Variants in RPRD1A observed in about 807,000 individuals in gnomAD.
RPRD1A encodes the protein regulation of nuclear pre-mRNA domain-containing protein 1A.
Under a neutral mutation model 37.8 loss-of-function variants are expected in RPRD1A, and 9 were observed. The ratio of observed to expected loss-of-function variants is 0.24; its 90% confidence interval spans 0.14 to 0.42. RPRD1A has a LOEUF of 0.42. Ranked by LOEUF, RPRD1A falls within the 10% of genes least tolerant of loss-of-function variation. The pLI is 1.00. For missense variants in RPRD1A, 255 were observed against 371.0 expected, an observed-to-expected ratio of 0.69 and a Z score of 2.57; for synonymous variants, 138 against 139.7, an observed-to-expected ratio of 0.99 and a Z score of 0.08.
chr18:36,025,583 G>A (rs1911308896), intron 6 of RPRD1A: 1 of 1,235,890 alleles, frequency 8.1e-7, no homozygotes, highest in Admixed American at 2.6e-5. Context: ...TCAAAAACAT[G>A]AGACAATACA....
chr18:36,057,127 G>A (rs1334143571), intron 1 of RPRD1A, among the ~76,000 whole-genome samples: 1 of 150,758 alleles, frequency 6.6e-6, no homozygotes, highest in Non-Finnish European at 1.5e-5. Context: ...CTACTCAGGA[G>A]GATTGATTGA....
intron 1 of RPRD1A, among the ~76,000 whole-genome samples, chr18:36,062,092 T>G (rs932646041): frequency 1.4e-5 from 2 of 145,528 alleles, no homozygotes; most frequent in Non-Finnish European, 1.5e-5. Context: ...CCGAGGCGGG[T>G]GGATCATGAG....
rs746611301 is a variant in RPRD1A, at chr18:36,027,218, T to C, written c.579A>G (p.Glu193=). Residue 193 remains glutamate (E), a synonymous_variant, in exon 5 of 7, where the codon GAA becomes GAG. Coordinates refer to ENST00000399022, the MANE Select transcript of RPRD1A (RefSeq NM_018170.5). The stretch of plus-strand genomic sequence containing the variant: ...TATCTAATAGAGATACTTCTTGGAC[T>C]TCAACAGGTAAAGAAGCTATCCTCT... ...VHQRIASLPV[E]VQEVSLLDKI... 1.6e-5 allele frequency: 26 copies of C among 1,613,742 alleles called. No homozygotes were observed. The East Asian group carries it at 3.1e-4, about 19-fold the overall frequency.
chr18:36,025,611 T>C lies in RPRD1A; in HGVS notation c.789+1289A>G, dbSNP rs961411341. On this transcript the variant is annotated intron_variant, in intron 6 of 6. Coordinates refer to ENST00000399022, the MANE Select transcript of RPRD1A (RefSeq NM_018170.5). ...ACAATACAGGCTTCAGGGTTTGATATTTATTTTTAGCAGGAAGAATATACT... is the reference window on the plus strand; with the variant it reads ...ACAATACAGGCTTCAGGGTTTGATACTTATTTTTAGCAGGAAGAATATACT... 1.3e-5 allele frequency: 17 copies of C among 1,286,388 alleles called. No homozygotes were observed. In the African/African-American group the frequency reaches 1.4e-4, roughly 10 times the overall value. 79.7% of individuals were successfully genotyped at this position (1,286,388 alleles called of 1,614,324 possible).
intron 1 of RPRD1A, among the ~76,000 whole-genome samples, chr18:36,066,757 A>G (rs2089038887): frequency 6.6e-6 from 1 of 152,226 alleles, no homozygotes; most frequent in Non-Finnish European, 1.5e-5. Context: ...TAAAATCTAC[A>G]AATTCAGAGT....
intron 6 of RPRD1A, among the ~76,000 whole-genome samples, chr18:36,015,696 T>C (rs906687368): frequency 1.3e-5 from 2 of 152,214 alleles, no homozygotes; most frequent in Non-Finnish European, 2.9e-5. Flanking sequence ...GAGGGCATTA[T>C]GCTAAAGAAA....
chr18:36,023,626 G>A (rs1299607154), intron 6 of RPRD1A, among the ~76,000 whole-genome samples: 1 of 152,190 alleles, frequency 6.6e-6, no homozygotes, highest in Admixed American at 6.5e-5. Flanking sequence ...ATCCTACAGA[G>A]AAATCTTTCA....
intron 1 of RPRD1A, among the ~76,000 whole-genome samples, chr18:36,049,154 C>T (rs1012260983): frequency 1.3e-5 from 2 of 152,090 alleles, no homozygotes; most frequent in Non-Finnish European, 2.9e-5. Context: ...CACCCACCTC[C>T]CTCGGCCTCC....
At chr18:36,050,880 T>A (rs905495224) in intron 1 of RPRD1A, among the ~76,000 whole-genome samples, 2 of 151,470 alleles carry the variant, frequency 1.3e-5, no homozygotes, top group Admixed American at 6.6e-5. Flanking sequence ...TTTTTTTTTT[T>A]ACTGCTTTTA....
At position 35,993,194 on chromosome 18, in the gene RPRD1A, T is replaced by G. The variant is rs751377732; in HGVS notation, c.896A>C (p.His299Pro). ...LSRLPNVTGS[H>P]MHLPFAGDIY... ...GTCTCCCGCAAAGGGCAGGTGCATG[T>G]GGCTGCCAGTGACATTGGGCAATCG... Residue 299 changes from histidine to proline, a missense_variant, in exon 7 of 7, where the codon CAC becomes CCC. By Grantham distance (77) the His-to-Pro change is moderately conservative. Coordinates refer to ENST00000399022, the MANE Select transcript of RPRD1A (RefSeq NM_018170.5). The G allele has an allele frequency of 3.1e-6, 5 of 1,614,186 alleles. No homozygotes were observed. Among genetic ancestry groups the G allele is most frequent in the Non-Finnish European group, 4.2e-6 (5 of 1,180,008 alleles).
intron 1 of RPRD1A, among the ~76,000 whole-genome samples, chr18:36,044,894 AAT>A (rs1311473303): frequency 6.8e-6 from 1 of 147,216 alleles, no homozygotes; most frequent in Non-Finnish European, 1.5e-5. Flanking sequence ...AAATAAAAAC[AAT>A]AGTCTGAAAT....
At chr18:36,029,950 C>T (rs978540617) in intron 4 of RPRD1A, among the ~76,000 whole-genome samples, 6 of 151,564 alleles carry the variant, frequency 4.0e-5, no homozygotes, top group Non-Finnish European at 5.9e-5. Flanking sequence ...GGACTACAGG[C>T]GCCCGCCACC....
chr18:36,038,201 A>G (rs1912333541), intron 1 of RPRD1A, among the ~76,000 whole-genome samples: 1 of 152,228 alleles, frequency 6.6e-6, no homozygotes, highest in Non-Finnish European at 1.5e-5. Flanking sequence ...AGAGACCTTC[A>G]TGGCAGCCTC....
intron 2 of RPRD1A, 122 bp from the exon 3 acceptor site, chr18:36,031,219 A>G (rs1351454751): frequency 1.6e-6 from 2 of 1,224,450 alleles, no homozygotes; most frequent in Non-Finnish European, 2.2e-6. Context: ...AAACTGTCCA[A>G]ATGTCTACTT....
chr18:36,053,774 C>T (rs762898320), intron 1 of RPRD1A, among the ~76,000 whole-genome samples: 1 of 151,984 alleles, frequency 6.6e-6, no homozygotes, highest in Non-Finnish European at 1.5e-5. Flanking sequence ...CAAGGAGATC[C>T]GCTGGGAGGC....
Position 36,027,166 on chromosome 18 carries a change from C to G in RPRD1A, c.613+18G>C. On this transcript the variant is annotated intron_variant, in intron 5 of 6. Coordinates refer to ENST00000399022, the MANE Select transcript of RPRD1A (RefSeq NM_018170.5). ...CCCAACTCCCAAAAAAGTTCTGGAT[C>G]ACATTTTCTTTTCTTACCTGTTATT... 1.2e-6 allele frequency: 2 copies of G among 1,613,400 alleles called. No individual in the cohort carries two copies. Among genetic ancestry groups the G allele is most frequent in the East Asian group, 4.5e-5 (2 of 44,864 alleles).
At chr18:35,998,922 G>A (rs1449155397) in intron 6 of RPRD1A, among the ~76,000 whole-genome samples, 2 of 152,158 alleles carry the variant, frequency 1.3e-5, no homozygotes, top group Non-Finnish European at 2.9e-5. Context: ...GTGGGCTACA[G>A]CTTCTTGAAA....
chr18:36,033,510 C>T (rs1477054015), intron 2 of RPRD1A, among the ~76,000 whole-genome samples, 198 bp downstream of exon 2: 3 of 152,020 alleles, frequency 2.0e-5, no homozygotes, highest in African/African-American at 7.2e-5. Context: ...ACCTTAGCAA[C>T]AGTTCAAAAA....
intron 1 of RPRD1A, among the ~76,000 whole-genome samples, chr18:36,035,942 A>C (rs986520088): frequency 6.6e-6 from 1 of 152,152 alleles, no homozygotes; most frequent in African/African-American, 2.4e-5. Flanking sequence ...GAATGGGAGG[A>C]GAATAGGAAA....
Sources: gnomAD v4.1 joint callset for allele counts (sites outside exome capture counted in the v4.1 genomes callset) on GRCh38, gnomAD v4.1.1 for gene constraint, MANE v1.5 for transcripts, NCBI Gene and HGNC (gene_info 2026-07-23, HGNC 2026-07-21) for gene names.